The following SOX6 variants were observed in gnomAD, a reference collection of about 807,000 sequenced individuals.
SOX6 encodes the protein SRY-box transcription factor 6.
SOX6 carries 11 observed loss-of-function variants against 97.8 expected under a neutral mutation model. That is an observed-to-expected ratio of 0.11 (90% confidence interval 0.07 to 0.19). The LOEUF is 0.19. SOX6 is among the 10% of genes least tolerant of loss of function. SOX6 has a pLI of 1.00. For synonymous variants in SOX6, 360 were observed against 371.4 expected, an observed-to-expected ratio of 0.97 and a Z score of 0.35; for missense variants, 810 against 1,039.5, an observed-to-expected ratio of 0.78 and a Z score of 3.04.
intron 4 of SOX6, among the ~76,000 whole-genome samples, chr11:16,543,406 A>AG (rs1861437335): frequency 6.8e-6 from 1 of 147,702 alleles, no homozygotes; most frequent in South Asian, 2.1e-4. Flanking sequence ...TAAGCCAGTA[A>AG]AAAAAAAAAA....
At chr11:16,707,339 A>G (rs1848145581) in intron 3 of SOX6, among the ~76,000 whole-genome samples, 1 of 151,964 alleles carries the variant, frequency 6.6e-6, no homozygotes, top group South Asian at 2.1e-4. Flanking sequence ...GGAATGTTAA[A>G]AAAAAAAAAG....
At chr11:16,391,035 C>T (rs112590071) in intron 1 of SOX6, among the ~76,000 whole-genome samples, 14 of 152,282 alleles carry the variant, frequency 9.2e-5, no homozygotes, top group African/African-American at 1.4e-4. Context: ...AATTCATGTC[C>T]TTTGTAGGGA....
At chr11:16,324,488 A>G (rs1242151978) in intron 2 of SOX6, among the ~76,000 whole-genome samples, 1 of 152,194 alleles carries the variant, frequency 6.6e-6, no homozygotes, top group Admixed American at 6.6e-5. Context: ...TGAAAATCAT[A>G]GTCTTGCAGA....
intron 3 of SOX6, among the ~76,000 whole-genome samples, chr11:16,688,748 T>C (rs1341460700): frequency 6.6e-6 from 1 of 152,242 alleles, no homozygotes; most frequent in Non-Finnish European, 1.5e-5. Context: ...TTGATTGTTT[T>C]CTTCCTATTA....
intron 3 of SOX6, among the ~76,000 whole-genome samples, chr11:16,244,595 T>A (rs1342907455): frequency 2.0e-5 from 3 of 151,794 alleles, no homozygotes; most frequent in Non-Finnish European, 4.4e-5. Context: ...TCAATTTTAA[T>A]TTATTTTGTA....
At position 16,097,984 on chromosome 11, in the gene SOX6, T is replaced by G. The variant is rs1487095014; in HGVS notation, c.899-296A>C. On this transcript the variant is annotated intron_variant, in intron 7 of 15. Transcript: ENST00000683767. ...CTTGTAATACATCATTTTTTAAGAG[T>G]AAAAAAATATCTTTAAGCCAGGCTG... 2.0e-5 allele frequency among the ~76,000 whole-genome samples: 3 copies of G among 151,654 alleles called. No individual in the cohort carries two copies. The East Asian group carries it at 5.8e-4, about 29-fold the overall frequency.
At chr11:16,503,992 G>C (rs1300009477) in intron 4 of SOX6, among the ~76,000 whole-genome samples, 1 of 151,722 alleles carries the variant, frequency 6.6e-6, no homozygotes, top group Non-Finnish European at 1.5e-5. Context: ...GCAGTGAGCT[G>C]AGATTGCACC....
chr11:16,051,950 C>A (rs1847696803), intron 10 of SOX6, among the ~76,000 whole-genome samples: 1 of 148,790 alleles, frequency 6.7e-6, no homozygotes, highest in Admixed American at 6.6e-5. Flanking sequence ...ATCTTTTCTT[C>A]TGAAATGTCT....
At chr11:16,103,657 G>A (rs577378363) in intron 7 of SOX6, among the ~76,000 whole-genome samples, 7 of 150,396 alleles carry the variant, frequency 4.7e-5, no homozygotes, top group South Asian at 2.1e-4. Flanking sequence ...AGAAAATGTG[G>A]TATATATATA....
chr11:16,179,024 T>C (rs1416725623), intron 6 of SOX6, among the ~76,000 whole-genome samples: 2 of 151,918 alleles, frequency 1.3e-5, no homozygotes, highest in African/African-American at 2.4e-5. Context: ...AAAAATTAAT[T>C]AACTAGGTCA....
intron 1 of SOX6, chr11:16,382,400 C>A (rs974343867): frequency 2.0e-5 from 3 of 152,046 alleles, no homozygotes; most frequent in African/African-American, 7.2e-5. Flanking sequence ...TACCTCCACA[C>A]CCTTCCACGA....
chr11:16,143,830 A>G (rs1033275686), intron 6 of SOX6, among the ~76,000 whole-genome samples: 1 of 152,224 alleles, frequency 6.6e-6, no homozygotes, highest in African/African-American at 2.4e-5. Flanking sequence ...CACCCAATAC[A>G]GGAGCACCCA....
At chr11:15,984,946 A>T (rs1853785792) in intron 15 of SOX6, among the ~76,000 whole-genome samples, 1 of 152,208 alleles carries the variant, frequency 6.6e-6, no homozygotes, top group Admixed American at 6.5e-5. Flanking sequence ...ATCATACAAG[A>T]TAGTTTCCAC....
chr11:16,203,755 A>G (rs1590025166), intron 4 of SOX6, among the ~76,000 whole-genome samples: 1 of 152,222 alleles, frequency 6.6e-6, no homozygotes, highest in East Asian at 1.9e-4. Context: ...TTGTCAACCC[A>G]AATAATTATA....
At chr11:16,346,377 A>T (rs1056834231) in intron 1 of SOX6, among the ~76,000 whole-genome samples, 1 of 151,990 alleles carries the variant, frequency 6.6e-6, no homozygotes, top group Admixed American at 6.6e-5. Context: ...CTCTTCTTCT[A>T]TCTCTAATTT....
chr11:16,385,539 A>C (rs553261616), intron 1 of SOX6, among the ~76,000 whole-genome samples: 2 of 152,070 alleles, frequency 1.3e-5, no homozygotes, highest in African/African-American at 2.4e-5. Flanking sequence ...CCATCACTTA[A>C]AAGAAAAACT....
chr11:16,137,214 C>T (rs1849990584), intron 6 of SOX6, among the ~76,000 whole-genome samples: 1 of 152,050 alleles, frequency 6.6e-6, no homozygotes, highest in African/African-American at 2.4e-5. Flanking sequence ...GGTGGACAGA[C>T]TGGCTGAGCT....
chr11:16,476,276 A>G (rs1003977358), intron 1 of SOX6: 2 of 152,444 alleles, frequency 1.3e-5, no homozygotes, highest in Non-Finnish European at 2.9e-5. Context: ...TAACTGTTTC[A>G]TTACACAATG....
intron 1 of SOX6, among the ~76,000 whole-genome samples, chr11:16,372,274 T>A (rs1392869163): frequency 6.6e-6 from 1 of 152,082 alleles, no homozygotes; most frequent in Non-Finnish European, 1.5e-5. Context: ...GTTATTCAAT[T>A]CTGCATCCTC....
Sources: allele counts gnomAD v4.1 joint callset (sites outside exome capture counted in the v4.1 genomes callset), GRCh38; gene constraint gnomAD v4.1.1; transcripts MANE v1.5; gene names NCBI Gene and HGNC (gene_info 2026-07-23, HGNC 2026-07-21).